The following DHCR7 variants were observed in gnomAD, a reference collection of about 807,000 sequenced individuals.
DHCR7 encodes the protein 7-dehydrocholesterol reductase.
A neutral mutation model predicts 43.3 loss-of-function variants in DHCR7; 40 were observed. The ratio of observed to expected loss-of-function variants is 0.92; its 90% CI spans 0.72 to 1.20. The LOEUF is 1.20. Among genes scored for constraint, DHCR7 ranks in the 50% most tolerant of loss-of-function variants. The pLI is 0.00. For missense variants in DHCR7, 608 were observed against 644.6 expected, an observed-to-expected ratio of 0.94 and a Z score of 0.62; for synonymous variants, 298 against 271.4, an observed-to-expected ratio of 1.10 and a Z score of -0.96.
intron 6 of DHCR7, among the ~76,000 whole-genome samples, chr11:71,439,541 T>G (rs1341829994): frequency 6.6e-6 from 1 of 152,194 alleles, no homozygotes; most frequent in Non-Finnish European, 1.5e-5. Flanking sequence ...TGAGTGACAT[T>G]ATAAATCACG....
intron 2 of DHCR7, among the ~76,000 whole-genome samples, chr11:71,447,143 T>C (rs576942224): frequency 1.1e-4 from 16 of 152,330 alleles, no homozygotes; most frequent in African/African-American, 3.6e-4. Context: ...ACAGGAAGGC[T>C]AAGTAGAATG....
intron 2 of DHCR7, among the ~76,000 whole-genome samples, chr11:71,446,992 C>G (rs1417056779): frequency 6.6e-6 from 1 of 152,230 alleles, no homozygotes; most frequent in East Asian, 1.9e-4. Context: ...AGTTCCTCTC[C>G]CCCAGGCTCT....
chr11:71,445,002 G>C (rs1949391632), intron 2 of DHCR7, 44 bp from the exon 3 acceptor site: 9 of 1,546,266 alleles, frequency 5.8e-6, no homozygotes, highest in Non-Finnish European at 8.0e-6. Context: ...TCAAATAACA[G>C]ACACCACCTT....
chr11:71,427,366 A>C (rs1949205136), downstream of DHCR7, among the ~76,000 whole-genome samples: 1 of 152,220 alleles, frequency 6.6e-6, no homozygotes, highest in Admixed American at 6.5e-5. Context: ...AAATACAGCA[A>C]GTCTTCCATA....
downstream of DHCR7, among the ~76,000 whole-genome samples, chr11:71,432,137 T>TA (rs1205529072): frequency 3.9e-5 from 6 of 152,262 alleles, no homozygotes; most frequent in Non-Finnish European, 8.8e-5. Context: ...AAAACTTTAT[T>TA]ATCTACCATA....
Position 71,444,207 on chromosome 11 carries a change from T to G in DHCR7, c.107A>C (p.Asp36Ala). Residue 36 changes from aspartate to alanine, a missense_variant, in exon 4 of 9, where the codon GAC (aspartate) becomes GCC (alanine). Asp to Ala is a moderately radical substitution (Grantham distance 126). Coordinates refer to ENST00000355527, the MANE Select transcript of DHCR7 (RefSeq NM_001360.3). The stretch of plus-strand genomic sequence containing the variant: ...GATGACGCTCGCCAGTGAAAACCAG[T>G]CCACCTCCCTGCGAGGACGGATGCA... The part of the protein sequence containing the change: ...QGQWGRAWEV[D>A]WFSLASVIFL... 6.3e-7 allele frequency: 1 copy of G among 1,587,680 alleles called. No homozygotes were observed. The highest frequency in any genetic ancestry group is 8.6e-7 in the Non-Finnish European group (1 of 1,166,080).
At chr11:71,440,883 T>G (rs538832053) in intron 6 of DHCR7, among the ~76,000 whole-genome samples, 2 of 152,256 alleles carry the variant, frequency 1.3e-5, no homozygotes, top group African/African-American at 4.8e-5. Context: ...ACTAAGGTTG[T>G]TTTGGGCCTC....
intron 2 of DHCR7, 32 bp downstream of exon 2, chr11:71,447,578 G>A (rs1307692035): frequency 6.6e-6 from 1 of 152,166 alleles, no homozygotes; most frequent in Non-Finnish European, 1.5e-5. Context: ...CATAGCCTGC[G>A]CCCACGATCC....
intron 3 of DHCR7, 83 bp downstream of exon 3, chr11:71,444,771 CT>C: frequency 8.0e-7 from 1 of 1,251,624 alleles, no homozygotes; most frequent in Non-Finnish European, 1.2e-6. Flanking sequence ...TCCTTCATTC[CT>C]TTGGGTCCAT....
chr11:71,434,821 C>G lies in DHCR7; in HGVS notation c.*554G>C, dbSNP rs1949253255. 9 of 315,854 alleles carry G rather than the reference C, an allele frequency of 2.8e-5. No individual in the cohort carries two copies. The highest frequency in any genetic ancestry group is 2.4e-4 in the South Asian group (9 of 37,654). The allele number at this position is 315,854 out of a possible 1,614,324, so 19.6% of individuals were successfully genotyped here. A position where few individuals can be genotyped will look rare whatever the true frequency, so the allele number is the denominator to read the frequency against. ...GAGCAGGAAGGAAACGACATGAAAG[C>G]CCCTTTCTCCCCAGTGTCCCAGTTC... On this transcript the variant is annotated 3_prime_UTR_variant, in exon 9 of 9. Coordinates refer to ENST00000355527, the MANE Select transcript of DHCR7 (RefSeq NM_001360.3).
At position 71,444,145 on chromosome 11, in the gene DHCR7, A is replaced by C. The variant is rs1231628274; in HGVS notation, c.169T>G (p.Phe57Val). The C allele has an allele frequency of 2.5e-6, 4 of 1,611,648 alleles. No individual in the cohort carries two copies. Among genetic ancestry groups the C allele is most frequent in the Non-Finnish European group, 3.4e-6 (4 of 1,178,882 alleles). ...CTGTACTGGTCACAAGCCATGATGA[A>C]GTAGTAGACGATGAAGGGGGCGAAC... ...LLFAPFIVYYFIMACDQYSCA... is the reference protein window; with the variant it reads ...LLFAPFIVYYVIMACDQYSCA... Residue 57 changes from phenylalanine (F) to valine (V), a missense_variant, in exon 4 of 9, where the codon TTC becomes GTC. Coordinates refer to ENST00000355527, the MANE Select transcript of DHCR7 (RefSeq NM_001360.3).
chr11:71,436,047 CTGTG>C (rs899304052), intron 8 of DHCR7: 5 of 613,170 alleles, frequency 8.2e-6, no homozygotes, highest in Admixed American at 5.2e-5. Context: ...TTCTACCTGT[CTGTG>C]TGTGTATGTG....
chr11:71,437,741 C>CT, intron 8 of DHCR7, 71 bp downstream of exon 8: 1 of 1,605,966 alleles, frequency 6.2e-7, no homozygotes, highest in Non-Finnish European at 8.5e-7. Context: ...AGGACAGACG[C>CT]TTCTGCAAGG....
At chr11:71,448,969 A>AG (rs1171049579), upstream of DHCR7, 4 of 152,628 alleles carry the variant, frequency 2.6e-5, no homozygotes, top group East Asian at 3.9e-4. Flanking sequence ...CCTGCTTATT[A>AG]GGGGGGCACA....
Position 71,446,260 on chromosome 11 carries a change from GAAAAAAA to G in DHCR7, c.-6-1309_-6-1303del, listed in dbSNP as rs57679336. Among the ~76,000 whole-genome samples the G allele has an allele frequency of 6.5e-3, 426 of 65,932 alleles. 3 individuals carry two copies. The highest frequency in any genetic ancestry group is 0.027 in the African/African-American group (413 of 15,512). 43.3% of individuals were successfully genotyped at this position (65,932 alleles called of 152,430 possible). A position where few individuals can be genotyped will look rare whatever the true frequency, so the allele number is the denominator to read the frequency against. On this transcript the variant is annotated intron_variant, in intron 2 of 8. Coordinates refer to ENST00000355527, the MANE Select transcript of DHCR7 (RefSeq NM_001360.3). ...GAGATGCATAGAAACCTTACCAAATGAAAAAAAAAAAAAAAAAAAAAGGAAGGCAACT... is the reference window on the plus strand; with the variant it reads ...GAGATGCATAGAAACCTTACCAAATGAAAAAAAAAAAAAAGGAAGGCAACT...
Position 71,438,919 on chromosome 11 carries a change from C to T in DHCR7, c.791G>A (p.Ser264Asn). ...SFAAKQRELH[S>N]HVTNAMVLVN... is the part of the protein sequence containing the mutation. ...CAGGACCATGGCATTGGTCACATGG[C>T]TGTGGAGCTCCCGCTGCTTCGCTGC... Residue 264 changes from serine (S) to asparagine (N), a missense_variant, in exon 7 of 9, where the codon AGC (serine) becomes AAC (asparagine). Physicochemically the swap from Ser to Asn is conservative, Grantham distance 46. Transcript: ENST00000355527. 6.2e-7 allele frequency: 1 copy of T among 1,613,964 alleles called. No homozygotes were observed. The highest frequency in any genetic ancestry group is 1.1e-5 in the South Asian group (1 of 91,088).
chr11:71,435,611 C>T lies in DHCR7; in HGVS notation c.1192G>A (p.Gly398Ser). The change falls in exon 9 of 9, where the codon GGC becomes AGC. Residue 398 changes from glycine (G) to serine (S), a missense_variant. By Grantham distance (56) the Gly-to-Ser change is moderately conservative. Transcript: ENST00000355527. ...AAGTGGCGGGCCACGCCCCAGAAGC[C>T]CGACACCAGCAGCTTGCTGTGGTGC... ...QRHHSKLLVS[G>S]FWGVARHFNY... is the part of the protein sequence containing the mutation. 1.2e-6 allele frequency: 2 copies of T among 1,609,670 alleles called. No homozygotes were observed. Among genetic ancestry groups the T allele is most frequent in the South Asian group, 2.2e-5 (2 of 91,060 alleles).
At position 71,440,339 on chromosome 11, in the gene DHCR7, C is replaced by T. The variant is rs915006158; in HGVS notation, c.626+888G>A. On this transcript the variant is annotated intron_variant, in intron 6 of 8. Coordinates refer to ENST00000355527, the MANE Select transcript of DHCR7 (RefSeq NM_001360.3). The stretch of plus-strand genomic sequence containing the variant: ...GATGGATGGGTAAATGGATGGATGA[C>T]GGGCAGGTGGATGGGTGGGTGGCTA... 5.3e-5 allele frequency among the ~76,000 whole-genome samples: 8 copies of T among 150,938 alleles called. No homozygotes were observed. In the East Asian group the frequency reaches 5.9e-4, roughly 11 times the overall value.
intron 7 of DHCR7, 95 bp downstream of exon 7, chr11:71,438,784 C>A (rs1339729178): frequency 9.2e-6 from 12 of 1,308,514 alleles, no homozygotes; most frequent in African/African-American, 1.5e-5. Flanking sequence ...CTTTTACAAG[C>A]AGTAGATTAA....
Sources: allele counts gnomAD v4.1 joint callset (sites outside exome capture counted in the v4.1 genomes callset), GRCh38; gene constraint gnomAD v4.1.1; transcripts MANE v1.5; gene names NCBI Gene and HGNC (gene_info 2026-07-23, HGNC 2026-07-21).